NDRG4: variants seen among roughly 807,000 people sequenced by gnomAD.
NDRG4 encodes NDRG family member 4.
A neutral mutation model predicts 55.8 loss-of-function variants in NDRG4; 38 were observed. The ratio of observed to expected loss-of-function variants is 0.68; its 90% CI spans 0.53 to 0.89. The LOEUF is 0.89. NDRG4 is among the 40% of genes least tolerant of loss of function. The pLI is 0.00. For missense variants in NDRG4, 455 were observed against 468.6 expected (o/e 0.97, Z 0.27); for synonymous variants, 190 against 182.7 (o/e 1.04, Z -0.32).
intron 5 of NDRG4, among the ~76,000 whole-genome samples, chr16:58,505,191 T>C (rs2037719299): frequency 6.6e-6 from 1 of 151,662 alleles, no homozygotes; most frequent in Admixed American, 6.6e-5. Context: ...CTACTAAAAA[T>C]ACAAAAAATT....
chr16:58,506,543 C>G lies in NDRG4; in HGVS notation c.460-15C>G. 1 of 1,599,068 alleles carries G rather than the reference C, an allele frequency of 6.3e-7. No homozygotes were observed. Among genetic ancestry groups the G allele is most frequent in the African/African-American group, 1.3e-5 (1 of 74,100 alleles). ...GTGAGGGGCGGCACTCACGCTGGCG[C>G]CCTGCTCCCTGCAGCTCTCCGGCCT... On this transcript the variant is annotated splice_polypyrimidine_tract_variant and intron_variant, in intron 6 of 14. Transcript: ENST00000570248.
At chr16:58,484,338 A>C (rs112949687) in intron 1 of NDRG4, among the ~76,000 whole-genome samples, 1 of 152,138 alleles carries the variant, frequency 6.6e-6, no homozygotes, top group African/African-American at 2.4e-5. Flanking sequence ...GCGCCACTGC[A>C]CTCCAGCCTG....
intron 1 of NDRG4, among the ~76,000 whole-genome samples, chr16:58,483,676 A>G (rs1182489389): frequency 1.3e-5 from 2 of 152,248 alleles, no homozygotes; most frequent in African/African-American, 2.4e-5. Context: ...AAAAAACTCC[A>G]AAGTTATCTT....
chr16:58,477,422 A>C (rs903136037), intron 1 of NDRG4, among the ~76,000 whole-genome samples: 15 of 152,206 alleles, frequency 9.9e-5, no homozygotes, highest in African/African-American at 2.7e-4. Context: ...CTCAAAAAAT[A>C]ATGGGTACAT....
At position 58,464,380 on chromosome 16, in the gene NDRG4, G is replaced by A. The variant is rs1014518044; in HGVS notation, c.-24+583G>A. ...GCGCTCCTCTCCCCGGCTCGGCCGA[G>A]CGCGCTGCCCCGACGCCGCCACCCA... On this transcript the variant is annotated intron_variant, in intron 1 of 15. Transcript: ENST00000258187. This position sits in a 1 kb window ranked among gnomAD's most constrained non-coding sequence, Gnocchi z 4.8. The A allele has an allele frequency of 3.7e-6, 5 of 1,364,440 alleles. No individual in the cohort carries two copies. The highest frequency in any genetic ancestry group is 3.6e-5 in the Admixed American group (1 of 27,488). The allele number at this position is 1,364,440 out of a possible 1,614,324, so 84.5% of individuals were successfully genotyped here.
intron 1 of NDRG4, chr16:58,475,804 C>T (rs1192744328): frequency 9.2e-6 from 3 of 324,474 alleles, no homozygotes; most frequent in Non-Finnish European, 1.8e-5. Flanking sequence ...CATGTCTCCC[C>T]TTTTTTTTTT....
chr16:58,496,111 G>T (rs1056802711), upstream of NDRG4, among the ~76,000 whole-genome samples: 17 of 152,310 alleles, frequency 1.1e-4, no homozygotes, highest in African/African-American at 4.1e-4. Context: ...CAACACACTG[G>T]TCCCACAGTG....
chr16:58,503,797 G>A lies in NDRG4; in HGVS notation c.22-1G>A. On this transcript the variant is annotated splice_acceptor_variant, in intron 1 of 14. Coordinates refer to ENST00000570248, the MANE Select transcript of NDRG4 (RefSeq NM_001242835.2). LOFTEE classifies it high-confidence loss of function. ...TGTCCAGCACGGTCTCTCCCCTTCA[G>A]GAACATGACATCGAGACACCCTACG... 1 of 1,613,906 alleles carries A rather than the reference G, an allele frequency of 6.2e-7. No homozygotes were observed. The highest frequency in any genetic ancestry group is 8.5e-7 in the Non-Finnish European group (1 of 1,179,992).
rs1474729499 is a variant in NDRG4, at chr16:58,500,549, CGTGGAAGGCACT to C, written c.21+283_21+294del. ...GGTGACATATCTGCAGGAAATGGAACGTGGAAGGCACTGTCTGACTTGGCTGCATTGCCCGTG... is the reference window on the plus strand; with the variant it reads ...GGTGACATATCTGCAGGAAATGGAACGTCTGACTTGGCTGCATTGCCCGTG... On this transcript the variant is annotated intron_variant, in intron 1 of 14. Coordinates refer to ENST00000570248, the MANE Select transcript of NDRG4 (RefSeq NM_001242835.2). 2.1e-5 allele frequency: 12 copies of C among 559,976 alleles called. No individual in the cohort carries two copies. In the East Asian group the frequency reaches 3.5e-4, roughly 16 times the overall value. The allele number at this position is 559,976 out of a possible 1,614,324, so 34.7% of individuals were successfully genotyped here.
intron 13 of NDRG4, among the ~76,000 whole-genome samples, chr16:58,509,646 T>C (rs1272571786): frequency 1.3e-5 from 2 of 152,142 alleles, no homozygotes; most frequent in Non-Finnish European, 2.9e-5. Context: ...CTTCCTTCCG[T>C]GCTGGGGGTC....
chr16:58,465,156 A>G (rs986417985), intron 1 of NDRG4: 1 of 1,262,234 alleles, frequency 7.9e-7, no homozygotes, highest in African/African-American at 1.5e-5. Flanking sequence ...AGACAGGAGG[A>G]AAGGAAAGCA....
chr16:58,511,485 C>A lies in NDRG4; in HGVS notation c.968C>A (p.Ser323Ter). The change falls in exon 15 of 15, where the codon TCG (serine) becomes TAG (stop). Residue 323 changes from serine (S) to a stop codon, truncating the protein, a stop_gained. Coordinates refer to ENST00000570248, the MANE Select transcript of NDRG4 (RefSeq NM_001242835.2). LOFTEE classifies it high-confidence loss of function. ...SRTASLTSASSVDGSRPQACT... is the reference protein window; with the variant it reads ...SRTASLTSAS ...ACTGCATCCCTCACCAGTGCCAGCT[C>A]GGTGGATGGCAGCCGCCCACAGGCC... is the stretch of plus-strand genomic sequence containing the variant. 1 of 1,612,884 alleles carries A rather than the reference C, an allele frequency of 6.2e-7. No homozygotes were observed.
chr16:58,505,009 T>G (rs1210898447), intron 5 of NDRG4, among the ~76,000 whole-genome samples: 1 of 152,126 alleles, frequency 6.6e-6, no homozygotes, highest in Non-Finnish European at 1.5e-5. Context: ...ACATGAATAA[T>G]TTTTTTAGCA....
chr16:58,492,558 C>G (rs13333814), intron 2 of NDRG4, among the ~76,000 whole-genome samples: 55 of 134,596 alleles, frequency 4.1e-4, no homozygotes, highest in African/African-American at 1.4e-3. Context: ...GTGTGAGAGA[C>G]AGACAGACAG....
In NDRG4 at chr16:58,464,483, C is replaced by T. The variant is rs1354085950; in HGVS notation, c.-24+686C>T. On this transcript the variant is annotated intron_variant, in intron 1 of 15. Transcript: ENST00000258187. This position sits in a 1 kb window ranked among gnomAD's most constrained non-coding sequence, Gnocchi z 4.8. ...CTGCTCACAGGTACCGCCCGCCTGC[C>T]CCGCAGCCGGCCGCCACTTTCCGAG... 2.6e-5 allele frequency: 34 copies of T among 1,313,032 alleles called. No individual in the cohort carries two copies. Among genetic ancestry groups the T allele is most frequent in the Non-Finnish European group, 3.3e-5 (34 of 1,030,122 alleles). The allele number at this position is 1,313,032 out of a possible 1,614,324, so 81.3% of individuals were successfully genotyped here. A position where few individuals can be genotyped will look rare whatever the true frequency, so the allele number is the denominator to read the frequency against.
rs565269335 is a variant in NDRG4, at chr16:58,473,292, G to C, written c.-24+9495G>C. Among the ~76,000 whole-genome samples, 20 of 152,042 alleles carry C rather than the reference G, an allele frequency of 1.3e-4. No homozygotes were observed. The East Asian group carries it at 3.9e-3, about 29-fold the overall frequency. Reference sequence around the variant, plus strand: ...CTCACGCCTCAGCCCCCGCCCCTAAGTAGCTGAGAACACAGGCATATATCA... The same window carrying C: ...CTCACGCCTCAGCCCCCGCCCCTAACTAGCTGAGAACACAGGCATATATCA... On this transcript the variant is annotated intron_variant, in intron 1 of 15. Transcript: ENST00000258187.
At chr16:58,485,740 C>T (rs1384749736) in intron 1 of NDRG4, among the ~76,000 whole-genome samples, 5 of 152,030 alleles carry the variant, frequency 3.3e-5, no homozygotes, top group African/African-American at 9.7e-5. Flanking sequence ...CACTGGGAGC[C>T]GGGACTCCAG....
chr16:58,476,763 C>T (rs879526498), intron 1 of NDRG4, among the ~76,000 whole-genome samples: 9 of 152,036 alleles, frequency 5.9e-5, no homozygotes, highest in Admixed American at 5.2e-4. Context: ...ACATTGGACT[C>T]GAAATGTGAA....
rs768635343 is a variant in NDRG4, at chr16:58,507,020, G to A, written c.620+5G>A. 11 of 1,610,862 alleles carry A rather than the reference G, an allele frequency of 6.8e-6. No homozygotes were observed. Among genetic ancestry groups the A allele is most frequent in the South Asian group, 2.2e-5 (2 of 90,384 alleles). On this transcript the variant is annotated splice_donor_5th_base_variant and intron_variant, in intron 8 of 14. Coordinates refer to ENST00000570248, the MANE Select transcript of NDRG4 (RefSeq NM_001242835.2). ...CTTCTGGAACATGTACAACAGGTGC[G>A]GGTGGGATCAGCAGCCCTGGGACCC...
Sources: allele counts gnomAD v4.1 joint callset (sites outside exome capture counted in the v4.1 genomes callset), GRCh38; gene constraint gnomAD v4.1.1; non-coding constraint Gnocchi (gnomAD v3.1); transcripts MANE v1.5; gene names NCBI Gene and HGNC (gene_info 2026-07-23, HGNC 2026-07-21).